ITGB5: variants seen among roughly 807,000 people sequenced by gnomAD.
ITGB5 encodes the protein integrin beta-5.
Under a neutral mutation model 84.8 loss-of-function variants are expected in ITGB5, and 38 were observed. The observed-to-expected ratio is 0.45, with a 90% CI of 0.35 to 0.59. ITGB5 has a LOEUF of 0.59. ITGB5 is among the 20% of genes least tolerant of loss of function. ITGB5 has a pLI of 0.01. For missense variants in ITGB5, 905 were observed against 1,034.5 expected, an observed-to-expected ratio of 0.87 and a Z score of 1.72; for synonymous variants, 393 against 414.4, an observed-to-expected ratio of 0.95 and a Z score of 0.63.
upstream of ITGB5, among the ~76,000 whole-genome samples, chr3:124,889,458 C>G (rs778948623): frequency 5.9e-5 from 9 of 152,158 alleles, no homozygotes; most frequent in African/African-American, 2.2e-4. Flanking sequence ...ACACTGTAAC[C>G]CCGACCACCT....
intron 5 of ITGB5, among the ~76,000 whole-genome samples, chr3:124,835,792 G>T (rs114912774): frequency 6.6e-6 from 1 of 152,148 alleles, no homozygotes; most frequent in African/African-American, 2.4e-5. Flanking sequence ...AAAAGAAAGC[G>T]AGTCAATTCT....
Position 124,853,597 on chromosome 3 carries a change from C to T in ITGB5, c.362-5039G>A, listed in dbSNP as rs186504261. ...TATTTAAGCTATGTACACTGTCACC[C>T]AGGGTGGCAACTTTATTGCAGAAGC... On this transcript the variant is annotated intron_variant, in intron 3 of 14. Transcript: ENST00000296181. Among the ~76,000 whole-genome samples, 109 of 152,262 alleles carry T rather than the reference C, an allele frequency of 7.2e-4. No homozygotes were observed. The Middle Eastern group carries it at 0.017, about 24-fold the overall frequency.
At chr3:124,851,267 A>C (rs1333235061) in intron 3 of ITGB5, among the ~76,000 whole-genome samples, 3 of 152,212 alleles carry the variant, frequency 2.0e-5, no homozygotes, top group Non-Finnish European at 4.4e-5. Context: ...CGGTTTCTGC[A>C]TCAGTCAAGT....
chr3:124,768,449 ACTTT>A (rs2063796757), intron 12 of ITGB5, among the ~76,000 whole-genome samples: 1 of 152,194 alleles, frequency 6.6e-6, no homozygotes, highest in Non-Finnish European at 1.5e-5. Flanking sequence ...CCACTAATGT[ACTTT>A]CTGTCTCCAT....
At chr3:124,818,204 C>T (rs2064637119) in intron 7 of ITGB5, among the ~76,000 whole-genome samples, 1 of 152,186 alleles carries the variant, frequency 6.6e-6, no homozygotes, top group African/African-American at 2.4e-5. Context: ...ACGAATGGCG[C>T]CCTCCCACGG....
At chr3:124,844,297 C>T (rs936085152) in intron 4 of ITGB5, among the ~76,000 whole-genome samples, 5 of 151,564 alleles carry the variant, frequency 3.3e-5, no homozygotes, top group East Asian at 1.9e-4. Context: ...CAGTGGCTCA[C>T]GCCTGTAATC....
intron 10 of ITGB5, among the ~76,000 whole-genome samples, chr3:124,775,247 AGT>A (rs754396072): frequency 2.1e-4 from 31 of 145,924 alleles, no homozygotes; most frequent in South Asian, 6.2e-4. Flanking sequence ...TGTGAGTGCA[AGT>A]GTGTGTGAGG....
chr3:124,819,486 CA>C (rs1280236837), intron 7 of ITGB5, among the ~76,000 whole-genome samples: 1 of 151,970 alleles, frequency 6.6e-6, no homozygotes, highest in Non-Finnish European at 1.5e-5. Context: ...ATTCATCACC[CA>C]AAAAAATGGG....
intron 11 of ITGB5, among the ~76,000 whole-genome samples, chr3:124,773,353 C>T (rs1183400894): frequency 6.6e-6 from 1 of 152,228 alleles, no homozygotes; most frequent in African/African-American, 2.4e-5. Flanking sequence ...CACAATAGTA[C>T]ACTCAAGGCT....
intron 5 of ITGB5, among the ~76,000 whole-genome samples, chr3:124,831,239 A>C (rs894662496): frequency 2.0e-5 from 3 of 152,094 alleles, no homozygotes; most frequent in African/African-American, 7.2e-5. Flanking sequence ...TCTTAAACAC[A>C]GCTCCCAGAG....
At chr3:124,895,758 T>C (rs1017006545) in intron 1 of ITGB5, among the ~76,000 whole-genome samples, 2 of 152,192 alleles carry the variant, frequency 1.3e-5, no homozygotes, top group African/African-American at 2.4e-5. Context: ...CTGTTTGCAG[T>C]AGCTGATGCC....
upstream of ITGB5, among the ~76,000 whole-genome samples, chr3:124,891,792 C>T (rs1935006809): frequency 6.6e-6 from 1 of 151,704 alleles, no homozygotes; most frequent in South Asian, 2.1e-4. Context: ...GGTGTGGTGG[C>T]ATGCCTGTAG....
At chr3:124,841,885 T>C (rs559791917) in intron 4 of ITGB5, among the ~76,000 whole-genome samples, 2 of 152,126 alleles carry the variant, frequency 1.3e-5, no homozygotes, top group Admixed American at 1.3e-4. Flanking sequence ...GGACCCGGGG[T>C]GTGGGCCAGC....
intron 13 of ITGB5, 150 bp downstream of exon 13, chr3:124,766,076 A>T: frequency 1.3e-6 from 1 of 758,296 alleles, no homozygotes; most frequent in Non-Finnish European, 2.0e-6. Flanking sequence ...AAAAAAAAAA[A>T]GAAAAAGAAG....
At chr3:124,818,512 T>C (rs1579245846) in intron 7 of ITGB5, among the ~76,000 whole-genome samples, 2 of 101,820 alleles carry the variant, frequency 2.0e-5, no homozygotes, top group East Asian at 2.9e-4. Context: ...CTTTTTTTTT[T>C]TTTTTTTTTT....
At chr3:124,838,160 T>C (rs1199889285) in intron 5 of ITGB5, among the ~76,000 whole-genome samples, 2 of 150,914 alleles carry the variant, frequency 1.3e-5, no homozygotes, top group Non-Finnish European at 2.9e-5. Context: ...AATGAGTACA[T>C]GGGGTTTCAT....
intron 9 of ITGB5, among the ~76,000 whole-genome samples, chr3:124,800,802 C>T (rs1475314911): frequency 1.3e-5 from 2 of 152,224 alleles, no homozygotes; most frequent in Non-Finnish European, 2.9e-5. Flanking sequence ...TGGAATGAGG[C>T]CTCTTCGAGT....
At chr3:124,802,725 C>T (rs1329505225) in intron 9 of ITGB5, among the ~76,000 whole-genome samples, 4 of 152,244 alleles carry the variant, frequency 2.6e-5, no homozygotes, top group Non-Finnish European at 4.4e-5. Context: ...CCTCCAAGGC[C>T]CTCAAGAGAG....
intron 10 of ITGB5, among the ~76,000 whole-genome samples, chr3:124,778,419 G>A (rs1228135266): frequency 6.6e-6 from 1 of 152,260 alleles, no homozygotes; most frequent in Non-Finnish European, 1.5e-5. Flanking sequence ...CTATTCAGAG[G>A]AAGGGGCAGG....
Sources: gnomAD v4.1 joint callset for allele counts (sites outside exome capture counted in the v4.1 genomes callset) on GRCh38, gnomAD v4.1.1 for gene constraint, MANE v1.5 for transcripts, NCBI Gene and HGNC (gene_info 2026-07-23, HGNC 2026-07-21) for gene names.